Variants in ABCA13 observed in about 807,000 individuals in gnomAD.
The protein encoded by ABCA13 is ATP-binding cassette sub-family A member 13.
Under a neutral mutation model 478.7 loss-of-function variants are expected in ABCA13, and 476 were observed. That is an observed-to-expected ratio of 0.99 (90% CI 0.92 to 1.07). The LOEUF (loss-of-function observed/expected upper bound fraction) is 1.07. ABCA13 is among the 50% of genes least tolerant of loss of function. The pLI is 0.00. For missense variants in ABCA13, 6,060 were observed against 5,910.6 expected (o/e 1.03, Z -0.83); for synonymous variants, 2,252 against 2,158.9 (o/e 1.04, Z -1.20).
intron 3 of ABCA13, among the ~76,000 whole-genome samples, chr7:48,213,609 A>G (rs1179495854): frequency 6.6e-6 from 1 of 152,208 alleles, no homozygotes; most frequent in Non-Finnish European, 1.5e-5. Context: ...TTACTGCATC[A>G]TTGACTGTTT....
rs142128672 is a variant in ABCA13 at position 48,635,147 on chromosome 7, C to T, written c.14838-8141C>T. The stretch of plus-strand genomic sequence containing the variant: ...GTATCTCCGATGAATCTATCAATCT[C>T]CCAATTGCCTTTCACCACAGGTTCC... On this transcript the variant is annotated intron_variant, in intron 59 of 61. Transcript: ENST00000435803. Among the ~76,000 whole-genome samples, 177 of 151,390 alleles carry T rather than the reference C, an allele frequency of 1.2e-3. 2 individuals are homozygous for T. In the East Asian group the frequency reaches 0.031, roughly 26 times the overall value.
chr7:48,547,312 A>G (rs1407127466), intron 55 of ABCA13, among the ~76,000 whole-genome samples: 1 of 151,900 alleles, frequency 6.6e-6, no homozygotes, highest in Non-Finnish European at 1.5e-5. Flanking sequence ...TTTCTCTATT[A>G]CATAGTTATA....
intron 55 of ABCA13, among the ~76,000 whole-genome samples, chr7:48,531,456 A>C (rs116178756): frequency 0.013 from 1,981 of 152,034 alleles, 42 homozygotes; most frequent in African/African-American, 0.045. Context: ...TTTGCTTAGC[A>C]ATTGCTTTGG....
chr7:48,199,290 A>T (rs1036670620), intron 3 of ABCA13, among the ~76,000 whole-genome samples: 1 of 152,192 alleles, frequency 6.6e-6, no homozygotes, highest in Non-Finnish European at 1.5e-5. Context: ...AATACCATAA[A>T]CTGTGTGGCT....
chr7:48,592,072 T>C (rs1428487285), intron 57 of ABCA13, among the ~76,000 whole-genome samples: 1 of 151,926 alleles, frequency 6.6e-6, no homozygotes, highest in Non-Finnish European at 1.5e-5. Context: ...CTGTTGAATA[T>C]GATGTTAGTT....
intron 53 of ABCA13, among the ~76,000 whole-genome samples, chr7:48,522,844 C>G (rs1220734061): frequency 6.6e-6 from 1 of 152,178 alleles, no homozygotes; most frequent in East Asian, 1.9e-4. Flanking sequence ...AGAGAATGAG[C>G]AAGCTGATGT....
chr7:48,294,237 C>T (rs186441096), intron 20 of ABCA13, among the ~76,000 whole-genome samples: 6 of 152,088 alleles, frequency 3.9e-5, no homozygotes, highest in Non-Finnish European at 7.4e-5. Context: ...TTAACAGTAC[C>T]TAAAATCTAC....
Position 48,520,229 on chromosome 7 carries a change from C to T in ABCA13, c.13986C>T (p.Ala4662=), listed in dbSNP as rs1271212047. The T allele has an allele frequency of 5.6e-6, 9 of 1,613,634 alleles. No individual in the cohort carries two copies. The highest frequency in any genetic ancestry group is 7.6e-6 in the Non-Finnish European group (9 of 1,179,760). The change falls in exon 53 of 62, where the codon GCC becomes GCT. Residue 4662 remains alanine, a synonymous_variant. Transcript: ENST00000435803. ...TGGGCTGGATCTTCGTGCAACTGGC[C>T]TCGCAGGGCACAGTACTTCTCCTCT... ...NFLGWIFVQL[A]SQGTVLLLLR... is the part of the protein sequence containing the mutation.
At position 48,520,168 on chromosome 7, in the gene ABCA13, T is replaced by C. The variant is rs1476987673; in HGVS notation, c.13925T>C (p.Ile4642Thr). ...IKYDLTHNFG[I>T]DSYVSPFEMN... ...TATGACCTGACCCACAACTTCGGCA[T>C]TGATTCCTATGTGAGTCCCTTTGAG... The change falls in exon 53 of 62, where the codon ATT (isoleucine) becomes ACT (threonine). Residue 4642 changes from isoleucine to threonine, a missense_variant. Ile to Thr is a moderately conservative substitution (Grantham distance 89, BLOSUM62 -1). Transcript: ENST00000435803. 8 of 1,613,708 alleles carry C rather than the reference T, an allele frequency of 5.0e-6. No individual in the cohort carries two copies. The highest frequency in any genetic ancestry group is 4.0e-5 in the African/African-American group (3 of 74,918).
chr7:48,390,771 G>T (rs1478771151), intron 37 of ABCA13, among the ~76,000 whole-genome samples: 1 of 152,174 alleles, frequency 6.6e-6, no homozygotes, highest in Non-Finnish European at 1.5e-5. Context: ...CCAGCAGCCT[G>T]CTCCTTGGGA....
At chr7:48,637,381 C>CAA (rs1156643955) in intron 59 of ABCA13, among the ~76,000 whole-genome samples, 364 of 20,246 alleles carry the variant, frequency 0.018, 46 homozygotes, top group African/African-American at 0.056. Flanking sequence ...GTTCATAAAG[C>CAA]AAAAAAAAAA....
chr7:48,486,063 A>G (rs969809672), intron 47 of ABCA13, among the ~76,000 whole-genome samples: 3 of 152,148 alleles, frequency 2.0e-5, no homozygotes, highest in Non-Finnish European at 4.4e-5. Flanking sequence ...ATAGCTTCCT[A>G]TAAAGCACCC....
intron 42 of ABCA13, among the ~76,000 whole-genome samples, chr7:48,441,284 C>A (rs1186617717): frequency 1.3e-5 from 2 of 152,094 alleles, no homozygotes; most frequent in Non-Finnish European, 2.9e-5. Context: ...TGTATGTGAT[C>A]TACACTAGAG....
At position 48,455,124 on chromosome 7, in the gene ABCA13, G is replaced by T. The variant is rs1302305021; in HGVS notation, c.12653G>T (p.Arg4218Leu). Residue 4218 changes from arginine (R) to leucine (L), a missense_variant, in exon 43 of 62, where the codon CGC becomes CTC. By Grantham distance (102) the Arg-to-Leu change is moderately radical. Around this residue, in one of 3 missense-constraint regions of ABCA13, gnomAD observed 1,627 missense variants for 1,571.0 expected, o/e 1.04. Coordinates refer to ENST00000435803, the MANE Select transcript of ABCA13 (RefSeq NM_152701.5). Reference protein sequence around the residue: ...VAAILARRLRRTLRAGKSTLA... With the variant: ...VAAILARRLRLTLRAGKSTLA... The stretch of plus-strand genomic sequence containing the variant: ...GCGATCCTGGCCCGGAGGCTCCGCC[G>T]CACGCTGCGCGCCGGGAAGAGCACC... The T allele has an allele frequency of 6.4e-7, 1 of 1,563,680 alleles. No individual in the cohort carries two copies. Among genetic ancestry groups the T allele is most frequent in the Middle Eastern group, 1.7e-4 (1 of 5,998 alleles).
intron 3 of ABCA13, among the ~76,000 whole-genome samples, chr7:48,213,192 A>G (rs929411155): frequency 6.6e-6 from 1 of 152,216 alleles, no homozygotes; most frequent in Non-Finnish European, 1.5e-5. Context: ...TCATTAAAAT[A>G]CATTGGGACC....
In ABCA13 at chr7:48,441,138, C is replaced by T. The variant is rs144045174; in HGVS notation, c.12565+13267C>T. Among the ~76,000 whole-genome samples, 46 of 152,318 alleles carry T rather than the reference C, an allele frequency of 3.0e-4. No homozygotes were observed. The East Asian group carries it at 7.5e-3, about 25-fold the overall frequency. ...TTCAAATTCCTCCTATAAAACTCCA[C>T]ATGAGGCCTCAACCTAAGTCCAGTT... is the stretch of plus-strand genomic sequence containing the variant. On this transcript the variant is annotated intron_variant, in intron 42 of 61. Coordinates refer to ENST00000435803, the MANE Select transcript of ABCA13 (RefSeq NM_152701.5).
intron 20 of ABCA13, among the ~76,000 whole-genome samples, chr7:48,290,940 G>GAAAAAAAAAA (rs57470116): frequency 2.0e-5 from 1 of 48,820 alleles, no homozygotes; most frequent in Non-Finnish European, 4.8e-5. Context: ...CACACTCAGG[G>GAAAAAAAAAA]AAAAAAAAAA....
chr7:48,457,140 A>G (rs1394589879), intron 43 of ABCA13, among the ~76,000 whole-genome samples: 10 of 152,170 alleles, frequency 6.6e-5, no homozygotes, highest in Non-Finnish European at 1.3e-4. Flanking sequence ...TCTAAACTCT[A>G]AAAGTTTTGA....
At chr7:48,447,626 G>C (rs950041919) in intron 42 of ABCA13, among the ~76,000 whole-genome samples, 54 of 152,148 alleles carry the variant, frequency 3.5e-4, no homozygotes, top group African/African-American at 1.3e-3. Flanking sequence ...CTGCAGAGGT[G>C]GTATTAGGTT....
Sources: allele counts gnomAD v4.1 joint callset (sites outside exome capture counted in the v4.1 genomes callset), GRCh38; gene constraint gnomAD v4.1.1; regional missense constraint gnomAD v4.1.1; transcripts MANE v1.5; gene names NCBI Gene and HGNC (gene_info 2026-07-23, HGNC 2026-07-21).